Variants in APP observed in about 807,000 individuals in gnomAD.
APP encodes amyloid-beta precursor protein.
A neutral mutation model predicts 101.4 loss-of-function variants in APP; 31 were observed. The ratio of observed to expected loss-of-function variants is 0.31; its 90% confidence interval spans 0.23 to 0.41. APP has a LOEUF of 0.41. APP is among the 10% of genes least tolerant of loss of function. APP has a pLI of 1.00. For missense variants in APP, 839 were observed against 1,003.7 expected (o/e 0.84, Z 2.22); for synonymous variants, 366 against 364.4 (o/e 1.00, Z -0.05).
chr21:25,910,134 T>TA (rs1388758982), intron 14 of APP, among the ~76,000 whole-genome samples: 1 of 152,098 alleles, frequency 6.6e-6, no homozygotes, highest in Non-Finnish European at 1.5e-5. Flanking sequence ...TTTATTTATT[T>TA]ATTTTTTTTA....
chr21:25,992,777 A>C (rs1021214132), intron 8 of APP, among the ~76,000 whole-genome samples: 4 of 152,178 alleles, frequency 2.6e-5, no homozygotes, highest in Non-Finnish European at 4.4e-5. Context: ...ACATCTTTTA[A>C]TGCTTTAAAA....
chr21:26,046,361 G>A (rs924669962), intron 5 of APP, among the ~76,000 whole-genome samples: 1 of 148,538 alleles, frequency 6.7e-6, no homozygotes, highest in African/African-American at 2.5e-5. Context: ...AGTGAGCCAA[G>A]ATCACACCAC....
At chr21:25,936,948 A>C (rs1376675386) in intron 13 of APP, among the ~76,000 whole-genome samples, 4 of 152,100 alleles carry the variant, frequency 2.6e-5, no homozygotes, top group Admixed American at 1.3e-4. Context: ...ATGTGCAAGG[A>C]ATTTCTTGTA....
chr21:26,030,168 G>C (rs2044757286), intron 5 of APP, among the ~76,000 whole-genome samples: 1 of 152,202 alleles, frequency 6.6e-6, no homozygotes, highest in African/African-American at 2.4e-5. Context: ...AATCCAAGGA[G>C]TGGACAGTTT....
chr21:26,066,762 T>G (rs1045008363), intron 3 of APP, among the ~76,000 whole-genome samples: 1 of 152,200 alleles, frequency 6.6e-6, no homozygotes, highest in African/African-American at 2.4e-5. Flanking sequence ...AGAGCCAAGC[T>G]GCTCCTGGTT....
At chr21:26,095,590 CAT>C (rs1419114226) in intron 2 of APP, among the ~76,000 whole-genome samples, 1 of 152,108 alleles carries the variant, frequency 6.6e-6, no homozygotes, top group Non-Finnish European at 1.5e-5. Flanking sequence ...AGGAAAAAAA[CAT>C]AGTATATATT....
At chr21:26,129,011 T>C (rs1342389919) in intron 1 of APP, among the ~76,000 whole-genome samples, 2 of 152,198 alleles carry the variant, frequency 1.3e-5, no homozygotes, top group Non-Finnish European at 2.9e-5. Context: ...GATTTGGCTC[T>C]AGGCAAAATA....
At chr21:25,977,120 A>T (rs1364228572) in intron 9 of APP, among the ~76,000 whole-genome samples, 1 of 152,238 alleles carries the variant, frequency 6.6e-6, no homozygotes, top group East Asian at 1.9e-4. Context: ...GTTTTGTAGG[A>T]AATCAATGCT....
intron 17 of APP, among the ~76,000 whole-genome samples, chr21:25,890,102 TG>T (rs746902141): frequency 7.9e-5 from 12 of 152,198 alleles, no homozygotes; most frequent in Admixed American, 3.3e-4. Flanking sequence ...TGGCCAAACA[TG>T]ACAGTGGGGT....
chr21:26,127,199 TAAAA>T (rs35029493), intron 1 of APP, among the ~76,000 whole-genome samples: 1 of 149,364 alleles, frequency 6.7e-6, no homozygotes, highest in Admixed American at 6.7e-5. Context: ...AGCTTTCATT[TAAAA>T]AAAAAAAATG....
chr21:26,137,750 A>AAAAC (rs552858629), intron 1 of APP, among the ~76,000 whole-genome samples: 2 of 152,230 alleles, frequency 1.3e-5, no homozygotes, highest in Admixed American at 6.5e-5. Flanking sequence ...GTCAGAGTAA[A>AAAAC]AAACAAACAA....
chr21:25,957,550 G>C (rs763051829), intron 11 of APP, among the ~76,000 whole-genome samples: 2 of 152,172 alleles, frequency 1.3e-5, no homozygotes, highest in Non-Finnish European at 2.9e-5. Context: ...ACTGGAGACA[G>C]AAGGGGCTGT....
intron 3 of APP, among the ~76,000 whole-genome samples, chr21:26,054,774 C>T (rs2045976914): frequency 6.6e-6 from 1 of 151,924 alleles, no homozygotes; most frequent in Admixed American, 6.6e-5. Context: ...CCCACAACTC[C>T]CACGGAGCAA....
At position 26,099,435 on chromosome 21, in the gene APP, T is replaced by A. The variant is rs377342713; in HGVS notation, c.226-9363A>T. On this transcript the variant is annotated intron_variant, in intron 2 of 17. Coordinates refer to ENST00000346798, the MANE Select transcript of APP (RefSeq NM_000484.4). The stretch of plus-strand genomic sequence containing the variant: ...ATGTTTTATGTGTAGCACATCATAA[T>A]CCTGAGTTAGTAATTACTCCAATTT... Among the ~76,000 whole-genome samples the A allele has an allele frequency of 3.3e-5, 5 of 152,342 alleles. No homozygotes were observed. In the East Asian group the frequency reaches 7.7e-4, roughly 23 times the overall value.
Position 26,077,666 on chromosome 21 carries a change from C to T in APP, c.355+12277G>A, listed in dbSNP as rs552831798. Among the ~76,000 whole-genome samples the T allele has an allele frequency of 1.6e-4, 24 of 152,120 alleles. No individual in the cohort carries two copies. In the South Asian group the frequency reaches 4.6e-3, roughly 29 times the overall value. ...CTCCTGCGACCAGCCTCGTTCGTCTCCTCCAATCTGGACTAGCTGCTCTCC... is the reference window on the plus strand; with the variant it reads ...CTCCTGCGACCAGCCTCGTTCGTCTTCTCCAATCTGGACTAGCTGCTCTCC... On this transcript the variant is annotated intron_variant, in intron 3 of 17. Transcript: ENST00000346798.
intron 11 of APP, among the ~76,000 whole-genome samples, chr21:25,963,690 T>C (rs1276124081): frequency 6.6e-6 from 1 of 152,196 alleles, no homozygotes; most frequent in Admixed American, 6.5e-5. Flanking sequence ...CGTGTGCAGG[T>C]TTAAAAATCA....
At chr21:25,925,065 G>A (rs3827217) in intron 13 of APP, among the ~76,000 whole-genome samples, 21,033 of 151,968 alleles carry the variant, frequency 0.14, 3,082 homozygotes, top group African/African-American at 0.37. Context: ...ATACCTCTAC[G>A]CTCTCTTCCA....
At chr21:25,955,543 A>T in intron 12 of APP, 84 bp downstream of exon 12, 1 of 1,598,404 alleles carries the variant, frequency 6.3e-7, no homozygotes, top group Non-Finnish European at 8.6e-7. Flanking sequence ...GTGCTCGGAG[A>T]ATGCGTGGGA....
chr21:25,998,791 CAA>C (rs2043157638), intron 7 of APP, among the ~76,000 whole-genome samples: 1 of 151,630 alleles, frequency 6.6e-6, no homozygotes. Flanking sequence ...ACAACAACAA[CAA>C]ATAAATAAAT....
Sources: gnomAD v4.1 joint callset for allele counts (sites outside exome capture counted in the v4.1 genomes callset) on GRCh38, gnomAD v4.1.1 for gene constraint, MANE v1.5 for transcripts, NCBI Gene and HGNC (gene_info 2026-07-23, HGNC 2026-07-21) for gene names.